Variants in CNTNAP2 observed in about 807,000 individuals in gnomAD.
The protein encoded by CNTNAP2 is contactin associated protein 2.
In CNTNAP2, 98 loss-of-function variants were observed where a neutral mutation model predicts 155.2. The observed-to-expected ratio is 0.63, with a 90% CI of 0.54 to 0.75. The LOEUF (loss-of-function observed/expected upper bound fraction) is 0.75, where lower values mean the gene tolerates loss of function less well. Among genes scored for constraint, CNTNAP2 ranks in the 30% least tolerant of loss-of-function variants. The pLI is 0.00. For missense variants in CNTNAP2, 1,727 were observed against 1,688.1 expected (o/e 1.02, Z -0.40); for synonymous variants, 651 against 631.2 (o/e 1.03, Z -0.47).
chr7:147,152,007 T>C (rs1046675951), intron 8 of CNTNAP2, among the ~76,000 whole-genome samples: 13 of 152,170 alleles, frequency 8.5e-5, no homozygotes, highest in African/African-American at 2.9e-4. Flanking sequence ...AAATGTGCTA[T>C]CTTGTACTTT....
intron 10 of CNTNAP2, among the ~76,000 whole-genome samples, chr7:147,402,403 C>A (rs954189364): frequency 6.6e-6 from 1 of 152,154 alleles, no homozygotes; most frequent in African/African-American, 2.4e-5. Context: ...CTCCTTCTGG[C>A]CTTCAGATAT....
At chr7:146,316,476 G>T (rs1800906838) in intron 1 of CNTNAP2, among the ~76,000 whole-genome samples, 1 of 152,054 alleles carries the variant, frequency 6.6e-6, no homozygotes, top group Admixed American at 6.6e-5. Flanking sequence ...GAGTCATATT[G>T]GTTATTTAGA....
intron 1 of CNTNAP2, among the ~76,000 whole-genome samples, chr7:146,635,989 A>C (rs1279685144): frequency 2.6e-5 from 4 of 152,168 alleles, no homozygotes; most frequent in African/African-American, 9.7e-5. Context: ...TCACTTTAGC[A>C]AACTGCCTTA....
chr7:146,368,167 C>T lies in CNTNAP2; in HGVS notation c.97+251194C>T, dbSNP rs577504007. ...GACCTTTGTATGTGTGTGTTTTCTC[C>T]CTTGATGACATATCCCTCTTCAGCT... On this transcript the variant is annotated intron_variant, in intron 1 of 23. Transcript: ENST00000361727. Among the ~76,000 whole-genome samples the T allele has an allele frequency of 3.4e-4, 51 of 152,134 alleles. 1 individual carries two copies. Among genetic ancestry groups the T allele is most frequent in the South Asian group, 3.1e-3 (15 of 4,826 alleles).
At chr7:146,493,233 T>G (rs940944043) in intron 1 of CNTNAP2, among the ~76,000 whole-genome samples, 2 of 152,114 alleles carry the variant, frequency 1.3e-5, no homozygotes, top group Non-Finnish European at 2.9e-5. Context: ...GCTCTGTAGG[T>G]TCTGTTCAAT....
chr7:146,132,810 C>T (rs1230346213), intron 1 of CNTNAP2, among the ~76,000 whole-genome samples: 2 of 149,650 alleles, frequency 1.3e-5, no homozygotes, highest in East Asian at 2.0e-4. Context: ...TCCAGTCTAT[C>T]GTTGTTGGAC....
At chr7:148,031,843 CTCAG>C (rs1176272667) in intron 15 of CNTNAP2, among the ~76,000 whole-genome samples, 1 of 152,124 alleles carries the variant, frequency 6.6e-6, no homozygotes, top group African/African-American at 2.4e-5. Context: ...GAGGAGGAGA[CTCAG>C]TCAGAGAGGA....
chr7:146,344,454 T>C (rs1794788734), intron 1 of CNTNAP2, among the ~76,000 whole-genome samples: 1 of 152,132 alleles, frequency 6.6e-6, no homozygotes, highest in Non-Finnish European at 1.5e-5. Flanking sequence ...TTCTCCCATA[T>C]ATCTTATTGA....
intron 9 of CNTNAP2, among the ~76,000 whole-genome samples, chr7:147,319,487 C>T (rs1402129717): frequency 6.6e-6 from 1 of 152,186 alleles, no homozygotes; most frequent in South Asian, 2.1e-4. Context: ...AAGTGATCCT[C>T]CCACCTCAGC....
At chr7:146,475,013 G>GCGCGCACA (rs71525954) in intron 1 of CNTNAP2, among the ~76,000 whole-genome samples, 69 of 144,380 alleles carry the variant, frequency 4.8e-4, no homozygotes, top group African/African-American at 1.7e-3. Context: ...GCGCGCGCGC[G>GCGCGCACA]CACACACACA....
intron 1 of CNTNAP2, among the ~76,000 whole-genome samples, chr7:146,708,394 T>C (rs1422181181): frequency 6.6e-6 from 1 of 151,884 alleles, no homozygotes; most frequent in Non-Finnish European, 1.5e-5. Context: ...GTTGGCATTT[T>C]TTTGTGGTTC....
chr7:147,971,901 C>A (rs1801340739), intron 14 of CNTNAP2, among the ~76,000 whole-genome samples: 1 of 152,162 alleles, frequency 6.6e-6, no homozygotes, highest in Non-Finnish European at 1.5e-5. Flanking sequence ...GGCACAGTGT[C>A]ACTTTAGTGT....
chr7:148,312,810 G>T (rs1426609897), intron 21 of CNTNAP2, among the ~76,000 whole-genome samples: 1 of 151,962 alleles, frequency 6.6e-6, no homozygotes, highest in Admixed American at 6.6e-5. Flanking sequence ...CATTGAGGGG[G>T]TAAGGGTGAT....
intron 14 of CNTNAP2, among the ~76,000 whole-genome samples, chr7:147,932,179 C>T (rs545655149): frequency 6.6e-6 from 1 of 152,254 alleles, no homozygotes; most frequent in South Asian, 2.1e-4. Flanking sequence ...AGCCACTGTG[C>T]CCGCCCCAGC....
intron 1 of CNTNAP2, among the ~76,000 whole-genome samples, chr7:146,343,524 A>T (rs1280289499): frequency 1.1e-4 from 16 of 152,186 alleles, no homozygotes; most frequent in Admixed American, 9.8e-4. Flanking sequence ...TATATGGCAA[A>T]ATTTTAAAGA....
intron 18 of CNTNAP2, among the ~76,000 whole-genome samples, chr7:148,208,047 C>A (rs6969922): frequency 0.084 from 12,777 of 151,452 alleles, 582 homozygotes; most frequent in Non-Finnish European, 0.097. Flanking sequence ...CAAGATTACG[C>A]CACTGCGCTC....
At chr7:148,368,106 G>A (rs550472892) in intron 21 of CNTNAP2, among the ~76,000 whole-genome samples, 11 of 152,252 alleles carry the variant, frequency 7.2e-5, no homozygotes, top group Admixed American at 1.3e-4. Context: ...CTCCCTTTAG[G>A]TGTCTAAGAG....
At chr7:148,010,997 C>T (rs565929525) in intron 15 of CNTNAP2, among the ~76,000 whole-genome samples, 105 of 152,244 alleles carry the variant, frequency 6.9e-4, no homozygotes, top group African/African-American at 2.4e-3. Flanking sequence ...AATTTTGCTA[C>T]TGCAAATAGT....
chr7:147,804,793 A>T (rs1798064010), intron 13 of CNTNAP2, among the ~76,000 whole-genome samples: 1 of 152,046 alleles, frequency 6.6e-6, no homozygotes, highest in Non-Finnish European at 1.5e-5. Context: ...ACCTCAAATG[A>T]TCCACCCAGC....
Sources: gnomAD v4.1 joint callset for allele counts (sites outside exome capture counted in the v4.1 genomes callset) on GRCh38, gnomAD v4.1.1 for gene constraint, MANE v1.5 for transcripts, NCBI Gene and HGNC (gene_info 2026-07-23, HGNC 2026-07-21) for gene names.